TNR: variants seen among roughly 807,000 people sequenced by gnomAD.
The protein encoded by TNR is tenascin-R.
TNR carries 45 observed loss-of-function variants against 150.4 expected under a neutral mutation model. The observed-to-expected ratio is 0.30, with a 90% CI of 0.24 to 0.38. The LOEUF (loss-of-function observed/expected upper bound fraction) is 0.38, where lower values mean the gene tolerates loss of function less well. Ranked by LOEUF, TNR falls within the 10% of genes least tolerant of loss-of-function variation. The probability of loss-of-function intolerance (pLI) is 1.00; values close to 1 mark genes in which losing one functional copy is unlikely to be tolerated. For synonymous variants in TNR, 687 were observed against 678.4 expected (o/e 1.01, Z -0.20); for missense variants, 1,544 against 1,759.1 (o/e 0.88, Z 2.19).
intron 1 of TNR, among the ~76,000 whole-genome samples, chr1:175,717,002 AC>A (rs1445240895): frequency 6.6e-6 from 1 of 152,146 alleles, no homozygotes; most frequent in Non-Finnish European, 1.5e-5. Context: ...CCTCAGAACT[AC>A]CATAGCACTT....
chr1:175,462,995 A>G (rs1434027437), intron 2 of TNR, among the ~76,000 whole-genome samples: 1 of 152,208 alleles, frequency 6.6e-6, no homozygotes, highest in East Asian at 1.9e-4. Context: ...CTGTTTCTGT[A>G]GAATGTCGAA....
At chr1:175,469,523 G>T (rs1357978335) in intron 2 of TNR, among the ~76,000 whole-genome samples, 2 of 152,008 alleles carry the variant, frequency 1.3e-5, no homozygotes, top group African/African-American at 2.4e-5. Context: ...AGGGGACTGA[G>T]GTTGGCATGT....
intron 1 of TNR, among the ~76,000 whole-genome samples, chr1:175,604,805 G>C (rs889064026): frequency 2.0e-5 from 3 of 152,112 alleles, no homozygotes; most frequent in African/African-American, 7.2e-5. Context: ...CCCTCATTCT[G>C]TCACCCTTTG....
chr1:175,389,925 A>G (rs990530912), intron 7 of TNR, among the ~76,000 whole-genome samples: 2 of 152,226 alleles, frequency 1.3e-5, no homozygotes, highest in Non-Finnish European at 1.5e-5. Flanking sequence ...CCATGGTTTG[A>G]AAGCTTTTTG....
chr1:175,737,553 C>T (rs1352075930), intron 1 of TNR, among the ~76,000 whole-genome samples: 1 of 152,118 alleles, frequency 6.6e-6, no homozygotes, highest in African/African-American at 2.4e-5. Flanking sequence ...AGAGATGTTG[C>T]CAAGCTTTTG....
chr1:175,454,311 T>C (rs1656461800), intron 2 of TNR, among the ~76,000 whole-genome samples: 1 of 152,166 alleles, frequency 6.6e-6, no homozygotes. Flanking sequence ...CATTCATTCA[T>C]CCATTCATTC....
At chr1:175,488,602 G>A (rs1658112160) in intron 2 of TNR, among the ~76,000 whole-genome samples, 1 of 152,234 alleles carries the variant, frequency 6.6e-6, no homozygotes, top group Non-Finnish European at 1.5e-5. Flanking sequence ...TATGGGTCCA[G>A]CTTTAAATGC....
intron 1 of TNR, among the ~76,000 whole-genome samples, chr1:175,673,003 A>G (rs2101904350): frequency 6.6e-6 from 1 of 152,284 alleles, no homozygotes; most frequent in East Asian, 1.9e-4. Context: ...GCTAAGGCTG[A>G]GCAGCATCCT....
Position 175,354,609 on chromosome 1 carries a change from T to A in TNR, c.3250-86A>T, listed in dbSNP as rs1651231313. On this transcript the variant is annotated intron_variant, in intron 17 of 22. Transcript: ENST00000367674. ...GTAGGGAAGGGAAGTCCAAATCCCA[T>A]GGGCAGCTAGGTCAGTATTGCAATG... The A allele has an allele frequency of 1.9e-6, 3 of 1,574,584 alleles. No individual in the cohort carries two copies. The South Asian group carries it at 3.5e-5, about 18-fold the overall frequency.
At chr1:175,598,386 C>T (rs145620154) in intron 1 of TNR, among the ~76,000 whole-genome samples, 22 of 152,298 alleles carry the variant, frequency 1.4e-4, no homozygotes, top group African/African-American at 5.3e-4. Context: ...TCATTGAAAA[C>T]ATAATAACAA....
Position 175,489,586 on chromosome 1 carries a change from G to A in TNR, c.-64+38683C>T, listed in dbSNP as rs138489032. Among the ~76,000 whole-genome samples the A allele has an allele frequency of 1.2e-3, 176 of 152,278 alleles. 5 individuals carry two copies. In the East Asian group the frequency reaches 0.031, roughly 27 times the overall value. On this transcript the variant is annotated intron_variant, in intron 2 of 22. Coordinates refer to ENST00000367674, the MANE Select transcript of TNR (RefSeq NM_003285.3). Reference sequence around the variant, plus strand: ...CTGCCCTGTGGTCTCTTTGCCCTGGGAGACCTGAAACACTAGGGCTCATGG... The same window carrying A: ...CTGCCCTGTGGTCTCTTTGCCCTGGAAGACCTGAAACACTAGGGCTCATGG...
At chr1:175,578,863 G>T (rs990763491) in intron 1 of TNR, among the ~76,000 whole-genome samples, 3 of 152,152 alleles carry the variant, frequency 2.0e-5, no homozygotes, top group Admixed American at 6.5e-5. Context: ...AGGTGAGGGT[G>T]GTGGCTACCC....
intron 1 of TNR, among the ~76,000 whole-genome samples, chr1:175,579,703 A>G (rs908794701): frequency 1.3e-5 from 2 of 151,416 alleles, no homozygotes; most frequent in Non-Finnish European, 2.9e-5. Flanking sequence ...TAGAGAAGAA[A>G]TGGGGTAGGA....
chr1:175,642,212 AC>A (rs1054731359), intron 1 of TNR, among the ~76,000 whole-genome samples: 1 of 152,204 alleles, frequency 6.6e-6, no homozygotes, highest in Non-Finnish European at 1.5e-5. Flanking sequence ...ACAAGGGATA[AC>A]CAGAGTATGT....
intron 1 of TNR, among the ~76,000 whole-genome samples, chr1:175,529,370 C>A (rs1012593598): frequency 2.6e-5 from 4 of 152,184 alleles, no homozygotes; most frequent in Admixed American, 2.0e-4. Context: ...TGGAGGACCT[C>A]ATGAAACCCT....
At chr1:175,425,239 C>G (rs1038574847) in intron 2 of TNR, among the ~76,000 whole-genome samples, 3 of 152,176 alleles carry the variant, frequency 2.0e-5, no homozygotes, top group Admixed American at 1.3e-4. Flanking sequence ...TCAACAGAAT[C>G]TAGTCTGGAA....
intron 2 of TNR, among the ~76,000 whole-genome samples, chr1:175,421,301 G>T (rs1654748139): frequency 6.6e-6 from 1 of 152,168 alleles, no homozygotes; most frequent in African/African-American, 2.4e-5. Context: ...CTCAACACTT[G>T]ATTCTTTCCT....
chr1:175,423,859 G>C (rs560479940), intron 2 of TNR, among the ~76,000 whole-genome samples: 4 of 152,314 alleles, frequency 2.6e-5, no homozygotes, highest in African/African-American at 9.6e-5. Context: ...GCCAGAAGGA[G>C]AGGAGGCACT....
In TNR at chr1:175,671,922, TG is replaced by T. The variant is rs200004829; in HGVS notation, c.-165+71303del. On this transcript the variant is annotated intron_variant, in intron 1 of 22. Transcript: ENST00000367674. ...CTTATGAGCTGTACCTGTGTGTGTG[TG>T]TGTGTGTGTGTGTGTGTGTGTGTGT... Among the ~76,000 whole-genome samples, 484 of 150,736 alleles carry T rather than the reference TG, an allele frequency of 3.2e-3. 19 individuals carry two copies. The East Asian group carries it at 0.075, about 23-fold the overall frequency.
Sources: allele counts gnomAD v4.1 joint callset (sites outside exome capture counted in the v4.1 genomes callset), GRCh38; gene constraint gnomAD v4.1.1; transcripts MANE v1.5; gene names NCBI Gene and HGNC (gene_info 2026-07-23, HGNC 2026-07-21).